Variants in ILF2 observed in about 807,000 individuals in gnomAD.
ILF2 encodes interleukin enhancer binding factor 2.
ILF2 carries 9 observed loss-of-function variants against 55.3 expected under a neutral mutation model. The ratio of observed to expected loss-of-function variants is 0.16; its 90% confidence interval spans 0.10 to 0.28. The LOEUF (loss-of-function observed/expected upper bound fraction) is 0.28. ILF2 is among the 10% of genes least tolerant of loss of function. The pLI is 1.00. For missense variants in ILF2, 266 were observed against 474.9 expected (o/e 0.56, Z 4.09); for synonymous variants, 151 against 161.8 (o/e 0.93, Z 0.50).
chr1:153,667,872 C>A, intron 5 of ILF2, 128 bp downstream of exon 5: 1 of 719,792 alleles, frequency 1.4e-6, no homozygotes, highest in South Asian at 1.8e-5. Context: ...CAAAGAAATT[C>A]CACTGTACTT....
At position 153,662,395 on chromosome 1, in the gene ILF2, G is replaced by A. The variant is rs1389271245; in HGVS notation, c.*1C>T. 1 of 1,613,742 alleles carries A rather than the reference G, an allele frequency of 6.2e-7. No individual in the cohort carries two copies. Among genetic ancestry groups the A allele is most frequent in the African/African-American group, 1.3e-5 (1 of 74,926 alleles). On this transcript the variant is annotated 3_prime_UTR_variant, in exon 14 of 14. Transcript: ENST00000361891. ...GGGTAGGAAAAGGAGTGAAGGGAAT[G>A]TCACTCCTGAGTTTCCATGCTTTCT...
chr1:153,667,310 T>A (rs1669336667), intron 6 of ILF2: 3 of 549,268 alleles, frequency 5.5e-6, no homozygotes, highest in Non-Finnish European at 9.7e-6. Flanking sequence ...AAACCCTGTA[T>A]CTACAAAAAA....
At position 153,663,184 on chromosome 1, in the gene ILF2, C is replaced by T. The variant is rs375885420; in HGVS notation, c.806+31G>A. On this transcript the variant is annotated intron_variant, in intron 11 of 13. Coordinates refer to ENST00000361891, the MANE Select transcript of ILF2 (RefSeq NM_004515.4). ...TTAAAGGAATGCACAAAATAGTTTA[C>T]AACCAACCCTAAACCCAAAGCATGC... is the stretch of plus-strand genomic sequence containing the variant. The T allele has an allele frequency of 2.5e-6, 4 of 1,613,876 alleles. No individual in the cohort carries two copies. In the African/African-American group the frequency reaches 4.0e-5, roughly 16 times the overall value.
At chr1:153,669,438 G>A (rs1431777950) in intron 3 of ILF2, among the ~76,000 whole-genome samples, 1 of 151,828 alleles carries the variant, frequency 6.6e-6, no homozygotes, top group Non-Finnish European at 1.5e-5. Flanking sequence ...ACACACAGTT[G>A]ACTCAAAACC....
At position 153,668,296 on chromosome 1, in the gene ILF2, G is replaced by A. The variant is rs538886517; in HGVS notation, c.213+157C>T. ...TGTAATTTGTTTATATATCCACCTG[G>A]CTATCTCCACCCACAATGAGAAATA... On this transcript the variant is annotated intron_variant, in intron 4 of 13. Transcript: ENST00000361891. Among the ~76,000 whole-genome samples the A allele has an allele frequency of 4.6e-5, 7 of 152,252 alleles. No homozygotes were observed. The South Asian group carries it at 1.2e-3, about 27-fold the overall frequency.
intron 2 of ILF2, 72 bp from the exon 3 acceptor site, chr1:153,669,950 T>A: frequency 7.6e-7 from 1 of 1,322,622 alleles, no homozygotes; most frequent in Non-Finnish European, 1.1e-6. Flanking sequence ...ACGCCAACAA[T>A]TTTGAAAACA....
intron 1 of ILF2, 38 bp from the exon 2 acceptor site, chr1:153,670,268 A>C: frequency 6.2e-7 from 1 of 1,603,848 alleles, no homozygotes; most frequent in Non-Finnish European, 8.5e-7. Flanking sequence ...CATTGAAGGA[A>C]TACCCACCGG....
chr1:153,669,812 G>A (rs758460458), intron 3 of ILF2, 24 bp downstream of exon 3: 14 of 1,582,650 alleles, frequency 8.8e-6, no homozygotes, highest in Non-Finnish European at 1.2e-5. Context: ...CAGAAAATGT[G>A]TATCATTAAC....
intron 1 of ILF2, among the ~76,000 whole-genome samples, chr1:153,670,652 CT>C (rs1049859466): frequency 2.0e-5 from 3 of 152,076 alleles, no homozygotes; most frequent in Non-Finnish European, 4.4e-5. Context: ...CCTCCAGGGG[CT>C]TGAGGACACC....
rs1669260749 is a variant in ILF2, at chr1:153,664,599, AG to A, written c.578-126del. The A allele has an allele frequency of 4.5e-5, 35 of 772,588 alleles. 1 individual carries two copies. The South Asian group carries it at 5.2e-4, about 11-fold the overall frequency. The allele number at this position is 772,588 out of a possible 1,614,324, so 47.9% of individuals were successfully genotyped here. A position where few individuals can be genotyped will look rare whatever the true frequency, so the allele number is the denominator to read the frequency against. On this transcript the variant is annotated intron_variant, in intron 8 of 13. Coordinates refer to ENST00000361891, the MANE Select transcript of ILF2 (RefSeq NM_004515.4). ...TAGACGGAGTCTCGCTCTGTTGTCC[AG>A]GCTGGATTGCGTACAGTGGCGTGAT...
chr1:153,665,833 T>C lies in ILF2; in HGVS notation c.395-105A>G, dbSNP rs576155238. 7 of 826,930 alleles carry C rather than the reference T, an allele frequency of 8.5e-6. No individual in the cohort carries two copies. The East Asian group carries it at 1.5e-4, about 18-fold the overall frequency. 51.2% of individuals were successfully genotyped at this position (826,930 alleles called of 1,614,324 possible). A position where few individuals can be genotyped will look rare whatever the true frequency, so the allele number is the denominator to read the frequency against. On this transcript the variant is annotated intron_variant, in intron 6 of 13. Transcript: ENST00000361891. ...CTCATTTCTGTCCCATATCCAAGGC[T>C]GAAGCAAGGGTAAGTAATAGAATAT...
At position 153,662,553 on chromosome 1, in the gene ILF2, A is replaced by C; in HGVS notation, c.1016T>G (p.Leu339Arg). The C allele has an allele frequency of 6.2e-7, 1 of 1,613,816 alleles. No homozygotes were observed. The highest frequency in any genetic ancestry group is 8.5e-7 in the Non-Finnish European group (1 of 1,179,768). ...ATCCCAGGTAGATATTTCAGAAGCA[A>C]GATCTAGGAAAGAGAAAAAGGTGAT... ...ILGQEGDASY[L>R]ASEISTWDGV... is the part of the protein sequence containing the mutation. The change falls in exon 14 of 14, where the codon CTT becomes CGT. Residue 339 changes from leucine to arginine, a missense_variant. Leu to Arg is a moderately radical substitution (Grantham distance 102). Coordinates refer to ENST00000361891, the MANE Select transcript of ILF2 (RefSeq NM_004515.4).
intron 4 of ILF2, 40 bp downstream of exon 4, chr1:153,668,412 TG>T: frequency 1.2e-6 from 2 of 1,612,500 alleles, no homozygotes; most frequent in Non-Finnish European, 1.7e-6. Context: ...TACTTTTAAC[TG>T]CTTTAGAGAC....
At position 153,664,094 on chromosome 1, in the gene ILF2, C is replaced by T. The variant is rs1466781592; in HGVS notation, c.693G>A (p.Arg231=). 1.9e-6 allele frequency: 3 copies of T among 1,613,640 alleles called. No individual in the cohort carries two copies. In the East Asian group the frequency reaches 6.7e-5, roughly 36 times the overall value. Residue 231 remains arginine, a synonymous_variant, in exon 10 of 14, where the codon AGG becomes AGA. Transcript: ENST00000361891. ...KVLIRLLKDL[R]IRFPGFEPLT... ...GGGGCTCAAAGCCAGGAAAACGAAT[C>T]CTCAAGTCCTTCAGTAGTCTGATGA...
At chr1:153,669,218 AGAGT>A (rs1187424866) in intron 3 of ILF2, among the ~76,000 whole-genome samples, 1 of 152,190 alleles carries the variant, frequency 6.6e-6, no homozygotes, top group East Asian at 1.9e-4. Flanking sequence ...CCTGGGTGAC[AGAGT>A]GAGACTGTCT....
rs1669179551 is a variant in ILF2 at position 153,661,965 on chromosome 1, CAAAAGCAAA to C, written c.*422_*430del. On this transcript the variant is annotated 3_prime_UTR_variant, in exon 14 of 14. Coordinates refer to ENST00000361891, the MANE Select transcript of ILF2 (RefSeq NM_004515.4). ...TTTTCAACAAAAGAGTACACAAAGC[CAAAAGCAAA>C]AAAGGTTGCCACATGCAAAAAAACA... 6.4e-6 allele frequency: 1 copy of C among 156,946 alleles called. No individual in the cohort carries two copies. The highest frequency in any genetic ancestry group is 2.4e-5 in the African/African-American group (1 of 41,244). The allele number at this position is 156,946 out of a possible 1,614,324, so 9.7% of individuals were successfully genotyped here. A position where few individuals can be genotyped will look rare whatever the true frequency, so the allele number is the denominator to read the frequency against.
intron 4 of ILF2, 46 bp from the exon 5 acceptor site, chr1:153,668,123 C>G (rs1002489110): frequency 7.2e-7 from 1 of 1,382,702 alleles, no homozygotes; most frequent in Non-Finnish European, 1.0e-6. Flanking sequence ...AAATTATAAG[C>G]AATTTCTCAG....
intron 6 of ILF2, among the ~76,000 whole-genome samples, chr1:153,666,261 C>T (rs1669303117): frequency 6.6e-6 from 1 of 152,090 alleles, no homozygotes; most frequent in Non-Finnish European, 1.5e-5. Flanking sequence ...TCTGCTAACT[C>T]CAACCTCTGC....
Position 153,668,075 on chromosome 1 carries a change from T to C in ILF2, c.216A>G (p.Ala72=). Residue 72 remains alanine (A), a splice_region_variant and synonymous_variant, in exon 5 of 14, where the codon GCA becomes GCG. Transcript: ENST00000361891. The part of the protein sequence containing the change: ...QDLAPNSAEQ[A]SILSLVTKIN... ...TTTTTGTCACCAGAGAAAGGATAGA[T>C]GCCTGAAAAACAGTATGAAACAATA... The C allele has an allele frequency of 6.2e-7, 1 of 1,601,128 alleles. No individual in the cohort carries two copies. The highest frequency in any genetic ancestry group is 8.5e-7 in the Non-Finnish European group (1 of 1,171,564).
Sources: allele counts gnomAD v4.1 joint callset (sites outside exome capture counted in the v4.1 genomes callset), GRCh38; gene constraint gnomAD v4.1.1; transcripts MANE v1.5; gene names NCBI Gene and HGNC (gene_info 2026-07-23, HGNC 2026-07-21).